GRID2: variants seen among roughly 807,000 people sequenced by gnomAD.
The protein encoded by GRID2 is glutamate ionotropic receptor delta type subunit 2.
A neutral mutation model predicts 114.8 loss-of-function variants in GRID2; 33 were observed. That is an observed-to-expected ratio of 0.29 (90% confidence interval 0.22 to 0.38). The LOEUF (loss-of-function observed/expected upper bound fraction) is 0.38, where lower values mean the gene tolerates loss of function less well. GRID2 is among the 10% of genes least tolerant of loss of function. The pLI, the probability that GRID2 is intolerant of heterozygous loss-of-function variation, is 1.00. For synonymous variants in GRID2, 505 were observed against 449.9 expected (o/e 1.12, Z -1.55); for missense variants, 1,184 against 1,257.7 (o/e 0.94, Z 0.89).
chr4:93,153,797 G>T (rs753788128), intron 4 of GRID2, among the ~76,000 whole-genome samples: 3 of 152,080 alleles, frequency 2.0e-5, no homozygotes, highest in South Asian at 2.1e-4. Flanking sequence ...TGAAATAATT[G>T]GAATTTAGTT....
chr4:93,114,646 G>A (rs58290219), intron 4 of GRID2, among the ~76,000 whole-genome samples: 1 of 152,094 alleles, frequency 6.6e-6, no homozygotes, highest in Non-Finnish European at 1.5e-5. Flanking sequence ...CTGCAAGATG[G>A]TTCCTGTTTC....
At chr4:93,389,988 C>T (rs1273685885) in intron 8 of GRID2, among the ~76,000 whole-genome samples, 1 of 152,058 alleles carries the variant, frequency 6.6e-6, no homozygotes, top group African/African-American at 2.4e-5. Context: ...GGGGTTTCAC[C>T]ATGTTGGCCA....
chr4:92,717,020 C>CTG (rs1179911301), intron 2 of GRID2, among the ~76,000 whole-genome samples: 1 of 152,072 alleles, frequency 6.6e-6, no homozygotes, highest in Non-Finnish European at 1.5e-5. Context: ...ATTCAAAACT[C>CTG]CTCAAAGGAT....
intron 2 of GRID2, among the ~76,000 whole-genome samples, chr4:93,081,297 A>G (rs1729845874): frequency 6.6e-6 from 1 of 152,230 alleles, no homozygotes; most frequent in Non-Finnish European, 1.5e-5. Context: ...CATTTTCAGT[A>G]AGAGGTAATA....
intron 2 of GRID2, among the ~76,000 whole-genome samples, chr4:93,038,632 A>G (rs1395113473): frequency 1.3e-5 from 2 of 152,058 alleles, no homozygotes; most frequent in African/African-American, 4.8e-5. Flanking sequence ...CTACTAAAAA[A>G]TACAAAAAAT....
chr4:93,801,992 C>T (rs1451901837), intron 1 of GRID2, among the ~76,000 whole-genome samples: 1 of 152,320 alleles, frequency 6.6e-6, no homozygotes, highest in Non-Finnish European at 1.5e-5. Context: ...TGTGCCCCCT[C>T]CTACATATTT....
At chr4:93,184,872 A>T (rs966081568) in intron 4 of GRID2, among the ~76,000 whole-genome samples, 11 of 151,908 alleles carry the variant, frequency 7.2e-5, no homozygotes, top group Non-Finnish European at 1.6e-4. Context: ...ACAGAGCAAG[A>T]CTCTGTCTGA....
At chr4:92,353,309 A>G (rs1390480928) in intron 1 of GRID2, among the ~76,000 whole-genome samples, 3 of 150,242 alleles carry the variant, frequency 2.0e-5, no homozygotes, top group Non-Finnish European at 4.4e-5. Flanking sequence ...GTCTTTGTCT[A>G]GTTTTTCCAG....
At chr4:92,644,374 A>C (rs1303697702) in intron 2 of GRID2, among the ~76,000 whole-genome samples, 3 of 151,824 alleles carry the variant, frequency 2.0e-5, no homozygotes, top group Non-Finnish European at 4.4e-5. Flanking sequence ...TCACTAAAAT[A>C]AACAAGATGA....
intron 10 of GRID2, among the ~76,000 whole-genome samples, chr4:93,453,020 C>T: frequency 6.7e-6 from 1 of 149,910 alleles, no homozygotes; most frequent in African/African-American, 2.5e-5. Context: ...GATATATCTC[C>T]AAATGCTATC....
At chr4:92,838,989 G>T (rs1255564012) in intron 2 of GRID2, 1 of 151,970 alleles carries the variant, frequency 6.6e-6, no homozygotes, top group Non-Finnish European at 1.5e-5. Context: ...ACATTACAGG[G>T]TCACTCTTTC....
At chr4:92,922,791 A>G (rs780308124) in intron 2 of GRID2, among the ~76,000 whole-genome samples, 19 of 152,214 alleles carry the variant, frequency 1.2e-4, no homozygotes, top group Non-Finnish European at 2.5e-4. Context: ...GAAAGAAGCC[A>G]GAAACAAAGC....
intron 13 of GRID2, among the ~76,000 whole-genome samples, chr4:93,568,136 A>G (rs1009506626): frequency 6.6e-6 from 1 of 152,166 alleles, no homozygotes; most frequent in Non-Finnish European, 1.5e-5. Flanking sequence ...TTCCTCACCT[A>G]TAAGGTAGGA....
intron 13 of GRID2, among the ~76,000 whole-genome samples, chr4:93,582,954 G>C (rs1429542366): frequency 1.3e-5 from 2 of 152,154 alleles, no homozygotes; most frequent in African/African-American, 2.4e-5. Context: ...CGAAATCAAG[G>C]TGTTGGCAGG....
downstream of GRID2, among the ~76,000 whole-genome samples, chr4:93,779,320 T>G (rs1227406258): frequency 6.6e-6 from 1 of 152,088 alleles, no homozygotes; most frequent in Non-Finnish European, 1.5e-5. Flanking sequence ...CAACAAATAC[T>G]TTCTGAGCAC....
intron 2 of GRID2, among the ~76,000 whole-genome samples, chr4:93,019,871 T>C (rs1723115227): frequency 6.6e-6 from 1 of 152,178 alleles, no homozygotes; most frequent in Non-Finnish European, 1.5e-5. Flanking sequence ...ACAGCCATTA[T>C]ACATCCATAA....
At chr4:92,313,672 T>G (rs1476388574) in intron 1 of GRID2, among the ~76,000 whole-genome samples, 1 of 151,992 alleles carries the variant, frequency 6.6e-6, no homozygotes, top group Non-Finnish European at 1.5e-5. Flanking sequence ...TACATGGTAT[T>G]CTGGAAGCCA....
intron 5 of GRID2, among the ~76,000 whole-genome samples, chr4:93,215,023 A>C (rs1164344400): frequency 6.6e-6 from 1 of 152,058 alleles, no homozygotes; most frequent in Non-Finnish European, 1.5e-5. Flanking sequence ...TTATAAACTG[A>C]GAATAAATAG....
intron 7 of GRID2, 29 bp from the exon 8 acceptor site, chr4:93,238,342 T>G: frequency 6.6e-7 from 1 of 1,518,670 alleles, no homozygotes; most frequent in South Asian, 1.2e-5. Context: ...CTTCTCAAAT[T>G]TTACATCAGT....
Sources: gnomAD v4.1 joint callset for allele counts (sites outside exome capture counted in the v4.1 genomes callset) on GRCh38, gnomAD v4.1.1 for gene constraint, MANE v1.5 for transcripts, NCBI Gene and HGNC (gene_info 2026-07-23, HGNC 2026-07-21) for gene names.